Variants in GALC observed in about 807,000 individuals in gnomAD.
GALC encodes galactocerebrosidase.
GALC carries 77 observed loss-of-function variants against 91.8 expected under a neutral mutation model. The observed-to-expected ratio is 0.84, with a 90% confidence interval of 0.70 to 1.01. The LOEUF (loss-of-function observed/expected upper bound fraction) is 1.01. Among genes scored for constraint, GALC ranks in the 50% least tolerant of loss-of-function variants. GALC has a pLI of 0.00. For synonymous variants in GALC, 357 were observed against 306.7 expected (o/e 1.16, Z -1.71); for missense variants, 882 against 855.9 (o/e 1.03, Z -0.38).
intron 16 of GALC, among the ~76,000 whole-genome samples, chr14:87,938,563 A>C (rs763240938): frequency 6.6e-6 from 1 of 152,044 alleles, no homozygotes; most frequent in African/African-American, 2.4e-5. Flanking sequence ...AATTATGGGC[A>C]AAAGGATAGT....
chr14:87,948,046 T>C (rs994464519), intron 12 of GALC, among the ~76,000 whole-genome samples, 168 bp from the exon 13 acceptor site: 2 of 152,108 alleles, frequency 1.3e-5, no homozygotes, highest in Non-Finnish European at 2.9e-5. Context: ...GGAATCTTTT[T>C]TTCCTAAGTA....
At chr14:87,987,163 T>A (rs1887011146) in intron 3 of GALC, 1 of 414,374 alleles carries the variant, frequency 2.4e-6, no homozygotes, top group African/African-American at 2.1e-5. Flanking sequence ...GAGGTTACAT[T>A]GTCTTAGCAC....
chr14:87,993,271 T>A (rs1887318168), upstream of GALC: 1 of 1,537,924 alleles, frequency 6.5e-7, no homozygotes, highest in Non-Finnish European at 8.7e-7. Context: ...CCATTTTGAG[T>A]GCGGGTCAAG....
In GALC at chr14:87,993,056, G is replaced by A; in HGVS notation, c.109C>T (p.Leu37=). The change falls in exon 1 of 17, where the codon CTG becomes TTG. Residue 37 remains leucine (L), a synonymous_variant. Transcript: ENST00000261304. ...AGCACGTACGCGCCGCCGGGCGCCA[G>A]CAGCGCACACAGCAGCAAGGGCACC... ...AAVPLLLCAL[L]APGGAYVLDD... 6.4e-7 allele frequency: 1 copy of A among 1,567,036 alleles called. No homozygotes were observed. Among genetic ancestry groups the A allele is most frequent in the Non-Finnish European group, 8.6e-7 (1 of 1,158,088 alleles).
At chr14:87,950,399 C>T (rs753234642) in intron 11 of GALC, among the ~76,000 whole-genome samples, 32 of 151,690 alleles carry the variant, frequency 2.1e-4, no homozygotes, top group Non-Finnish European at 4.3e-4. Flanking sequence ...CCATAAAATG[C>T]TTCTACCACC....
intron 14 of GALC, among the ~76,000 whole-genome samples, chr14:87,942,558 A>C (rs900719340): frequency 3.9e-5 from 6 of 152,156 alleles, no homozygotes; most frequent in African/African-American, 1.2e-4. Context: ...GTGGGAAGAA[A>C]AAGAAAGCCT....
intron 12 of GALC, among the ~76,000 whole-genome samples, 194 bp from the exon 13 acceptor site, chr14:87,948,072 T>C (rs574648034): frequency 4.7e-4 from 72 of 152,204 alleles, no homozygotes; most frequent in Middle Eastern, 6.8e-3. Context: ...GAAAACTTTA[T>C]AAAATTATGC....
At chr14:87,988,586 G>A in intron 1 of GALC, 63 bp from the exon 2 acceptor site, 1 of 1,175,560 alleles carries the variant, frequency 8.5e-7, no homozygotes, top group Non-Finnish European at 1.3e-6. Context: ...TCTGTCTACA[G>A]TGTTCACGCA....
At chr14:87,988,118 A>G (rs1487051664) in intron 3 of GALC, 26 bp downstream of exon 3, 1 of 1,584,016 alleles carries the variant, frequency 6.3e-7, no homozygotes. Context: ...TTGATGGGAG[A>G]AATCCTATCT....
intron 5 of GALC, 136 bp from the exon 6 acceptor site, chr14:87,982,379 T>G: frequency 1.7e-6 from 1 of 596,472 alleles, no homozygotes; most frequent in Non-Finnish European, 3.1e-6. Flanking sequence ...TGGGATATCC[T>G]GCCATAGAAT....
chr14:87,948,115 G>T (rs1214151683), intron 12 of GALC, among the ~76,000 whole-genome samples: 2 of 151,742 alleles, frequency 1.3e-5, no homozygotes, highest in African/African-American at 2.4e-5. Context: ...CTTCATGGAA[G>T]GAAGGACTAA....
In GALC at chr14:87,984,475, A is replaced by G; in HGVS notation, c.501T>C (p.Asn167=). ...CGACATAATAGGCAGTCAGCTGAAG[A>G]TTGACATAAGGCCAGTCGAAACCTT... The part of the protein sequence containing the change: ...LGKGFDWPYV[N]LQLTAYYVVT... The change falls in exon 5 of 17, where the codon AAT becomes AAC. Residue 167 remains asparagine (N), a synonymous_variant. Transcript: ENST00000261304. 2 of 1,614,202 alleles carry G rather than the reference A, an allele frequency of 1.2e-6. No homozygotes were observed. Among genetic ancestry groups the G allele is most frequent in the Admixed American group, 3.3e-5 (2 of 60,032 alleles).
At position 87,988,160 on chromosome 14, in the gene GALC, A is replaced by G; in HGVS notation, c.312T>C (p.Gly104=). The change falls in exon 3 of 17, where the codon GGT becomes GGC. Residue 104 remains glycine (G), a synonymous_variant. Coordinates refer to ENST00000261304, the MANE Select transcript of GALC (RefSeq NM_000153.4). ...TTCTCCTACCTGTTGTCTGCCCATCACCACCTATTTCCACTTTTAAAATAT... is the reference window on the plus strand; with the variant it reads ...TTCTCCTACCTGTTGTCTGCCCATCGCCACCTATTTCCACTTTTAAAATAT... ...SLHILKVEIG[G]DGQTTDGTEP... The G allele has an allele frequency of 6.2e-7, 1 of 1,613,790 alleles. No individual in the cohort carries two copies. The highest frequency in any genetic ancestry group is 8.5e-7 in the Non-Finnish European group (1 of 1,179,836).
chr14:87,969,060 T>C (rs1052546056), intron 7 of GALC, among the ~76,000 whole-genome samples: 2 of 152,162 alleles, frequency 1.3e-5, no homozygotes, highest in Admixed American at 1.3e-4. Context: ...AACCCACACA[T>C]GGTTATTTCT....
At chr14:87,949,492 T>A (rs1329576562) in intron 12 of GALC, among the ~76,000 whole-genome samples, 1 of 152,030 alleles carries the variant, frequency 6.6e-6, no homozygotes, top group Non-Finnish European at 1.5e-5. Flanking sequence ...AGGCAGTTTC[T>A]GAAATCCAGG....
At chr14:87,973,198 C>T (rs1886366189) in intron 7 of GALC, among the ~76,000 whole-genome samples, 1 of 152,074 alleles carries the variant, frequency 6.6e-6, no homozygotes, top group Non-Finnish European at 1.5e-5. Context: ...CATAGATAAA[C>T]ATCAACAAAC....
chr14:87,976,316 G>T (rs1187187405), intron 7 of GALC, 42 bp downstream of exon 7: 1 of 1,608,952 alleles, frequency 6.2e-7, no homozygotes, highest in Admixed American at 1.7e-5. Context: ...CACAGAGCAA[G>T]CAATCAGAAA....
At chr14:87,955,087 T>C in intron 10 of GALC, 4 of 1,341,070 alleles carry the variant, frequency 3.0e-6, no homozygotes, top group Non-Finnish European at 2.1e-6. Context: ...ACCTTGTGTA[T>C]CAAAGATTCA....
intron 8 of GALC, 38 bp downstream of exon 8, chr14:87,968,297 T>C: frequency 6.5e-7 from 1 of 1,538,382 alleles, no homozygotes; most frequent in Non-Finnish European, 8.9e-7. Context: ...TTTTAAATTT[T>C]TTTTGATAAG....
Sources: allele counts gnomAD v4.1 joint callset (sites outside exome capture counted in the v4.1 genomes callset), GRCh38; gene constraint gnomAD v4.1.1; transcripts MANE v1.5; gene names NCBI Gene and HGNC (gene_info 2026-07-23, HGNC 2026-07-21).